The following PCYT1B variants were observed in gnomAD, a reference collection of about 807,000 sequenced individuals.
PCYT1B encodes choline-phosphate cytidylyltransferase B.
In PCYT1B, 10 loss-of-function variants were observed where a neutral mutation model predicts 26.4. That is an observed-to-expected ratio of 0.38 (90% CI 0.23 to 0.64). The LOEUF is 0.64. PCYT1B is among the 30% of genes least tolerant of loss of function. The pLI is 0.56. For missense variants in PCYT1B, 161 were observed against 292.7 expected (o/e 0.55, Z 3.28); for synonymous variants, 131 against 108.4 (o/e 1.21, Z -1.29).
intron 5 of PCYT1B, among the ~76,000 whole-genome samples, chrX:24,584,948 A>G (rs1346277887): frequency 8.9e-6 from 1 of 112,207 alleles, no homozygotes; most frequent in African/African-American, 3.2e-5. Context: ...TATAAATCCC[A>G]GAAGTGTCTT....
chrX:24,639,255 T>C (rs1926391891), intron 1 of PCYT1B, among the ~76,000 whole-genome samples: 1 of 112,469 alleles, frequency 8.9e-6, no homozygotes, highest in Non-Finnish European at 1.9e-5. Context: ...CAATCCATTG[T>C]CGGGGACAGA....
rs773050961 is a variant in PCYT1B at position 24,560,056 on chromosome X, G to A, written c.*2237C>T. 1.8e-5 allele frequency: 2 copies of A among 111,958 alleles called. No homozygotes were observed. The highest frequency in any genetic ancestry group is 3.8e-5 in the Non-Finnish European group (2 of 53,195). The allele number at this position is 111,958 out of a possible 1,213,427, so 9.2% of individuals were successfully genotyped here. A position where few individuals can be genotyped will look rare whatever the true frequency, so the allele number is the denominator to read the frequency against. On this transcript the variant is annotated 3_prime_UTR_variant, in exon 8 of 8. Coordinates refer to ENST00000379144, the MANE Select transcript of PCYT1B (RefSeq NM_004845.5). Reference sequence around the variant, plus strand: ...CGTAAGTGGCACCTGTCAGTATGGCGTGTAAGGCCTGCAAATGTATAGTCA... The same window carrying A: ...CGTAAGTGGCACCTGTCAGTATGGCATGTAAGGCCTGCAAATGTATAGTCA...
chrX:24,588,656 G>A (rs1037584622), intron 4 of PCYT1B, among the ~76,000 whole-genome samples: 3 of 111,477 alleles, frequency 2.7e-5, no homozygotes, highest in Non-Finnish European at 3.8e-5. Flanking sequence ...CAGTACTAGT[G>A]ACATTCGGGA....
intron 1 of PCYT1B, among the ~76,000 whole-genome samples, chrX:24,666,963 C>T (rs1368599565): frequency 9.1e-6 from 1 of 109,593 alleles, no homozygotes; most frequent in Non-Finnish European, 1.9e-5. Context: ...TAGCCTCTCA[C>T]TCCACATCTG....
intron 1 of PCYT1B, among the ~76,000 whole-genome samples, chrX:24,637,487 A>ATATATATATATATATAT (rs1218518627): frequency 1.2e-4 from 7 of 56,173 alleles, no homozygotes; most frequent in Admixed American, 4.8e-4. Flanking sequence ...ACTAAAAAAA[A>ATATATATATATATATAT]AAAAATATAT....
rs1923453702 is a variant in PCYT1B at position 24,562,365 on chromosome X, T to A, written c.1038A>T (p.Ser346=). 1.7e-6 allele frequency: 2 copies of A among 1,171,138 alleles called. No homozygotes were observed. The highest frequency in any genetic ancestry group is 6.0e-5 in the East Asian group (2 of 33,298). The change falls in exon 8 of 8, where the codon TCA becomes TCT. Residue 346 remains serine (S), a synonymous_variant. Coordinates refer to ENST00000379144, the MANE Select transcript of PCYT1B (RefSeq NM_004845.5). ...AGGCTGCTTTGGGTGAGGAAGGGGG[T>A]GAGGTTTTGAGTGGAAGCCATGAGA... ...PTFSWLPLKT[S]PPSSPKAASA...
chrX:24,670,219 G>T (rs768587813), intron 1 of PCYT1B, among the ~76,000 whole-genome samples: 13 of 110,526 alleles, frequency 1.2e-4, no homozygotes, highest in African/African-American at 9.8e-5. Flanking sequence ...GTAATGTCTG[G>T]GCATTCTCTT....
chrX:24,585,873 C>T (rs1442443947), intron 5 of PCYT1B, among the ~76,000 whole-genome samples: 1 of 110,639 alleles, frequency 9.0e-6, no homozygotes, highest in Non-Finnish European at 1.9e-5. Flanking sequence ...CCTTCCCACA[C>T]AAAAGACCTG....
chrX:24,643,599 C>T (rs980424765), intron 1 of PCYT1B, among the ~76,000 whole-genome samples: 3 of 111,924 alleles, frequency 2.7e-5, no homozygotes, highest in East Asian at 2.8e-4. Flanking sequence ...TCTATTTAAT[C>T]GTCTCCTTTC....
chrX:24,584,568 T>C (rs2030862675), intron 5 of PCYT1B, among the ~76,000 whole-genome samples: 2 of 112,087 alleles, frequency 1.8e-5, no homozygotes, highest in Admixed American at 1.9e-4. Flanking sequence ...CCTAAGAGGA[T>C]GGTACAGTCC....
chrX:24,570,041 G>A (rs777533889), intron 7 of PCYT1B, among the ~76,000 whole-genome samples: 38 of 107,919 alleles, frequency 3.5e-4, no homozygotes, highest in African/African-American at 1.2e-3. Flanking sequence ...AAAATTAGCT[G>A]GGCATGGTGG....
chrX:24,625,458 G>A (rs915469014), intron 1 of PCYT1B, among the ~76,000 whole-genome samples: 1 of 110,467 alleles, frequency 9.1e-6, no homozygotes, highest in African/African-American at 3.3e-5. Context: ...CTGTGTCACT[G>A]ATTATGTAGA....
chrX:24,616,431 GT>G (rs776289332), intron 2 of PCYT1B, among the ~76,000 whole-genome samples: 8 of 109,325 alleles, frequency 7.3e-5, no homozygotes, highest in Non-Finnish European at 1.3e-4. Flanking sequence ...TAGAGACAAG[GT>G]TTCACCATGT....
At chrX:24,624,458 A>C (rs1925825259) in intron 1 of PCYT1B, among the ~76,000 whole-genome samples, 1 of 112,154 alleles carries the variant, frequency 8.9e-6, no homozygotes, top group Non-Finnish European at 1.9e-5. Context: ...GGATTAACTA[A>C]AAGAATGTGT....
At chrX:24,630,286 T>C (rs1370728517) in intron 1 of PCYT1B, among the ~76,000 whole-genome samples, 3 of 111,551 alleles carry the variant, frequency 2.7e-5, no homozygotes, top group Non-Finnish European at 5.7e-5. Flanking sequence ...TTTTTTGATG[T>C]TTTTTGTTTG....
At chrX:24,571,499 C>T (rs866239323) in intron 7 of PCYT1B, among the ~76,000 whole-genome samples, 10 of 53,136 alleles carry the variant, frequency 1.9e-4, no homozygotes, top group African/African-American at 1.1e-3. Context: ...TTCTTATTTA[C>T]TATCATCATC....
chrX:24,624,163 G>A (rs932052881), intron 1 of PCYT1B, among the ~76,000 whole-genome samples: 3 of 109,369 alleles, frequency 2.7e-5, no homozygotes, highest in Non-Finnish European at 5.7e-5. Context: ...TAGAGACAGG[G>A]TTTCACTGTG....
intron 1 of PCYT1B, among the ~76,000 whole-genome samples, chrX:24,656,485 T>C (rs1264652352): frequency 1.1e-4 from 12 of 107,819 alleles, no homozygotes; most frequent in African/African-American, 4.1e-4. Flanking sequence ...AAAAGAAATA[T>C]ATATTTGCAA....
chrX:24,632,270 C>T, intron 1 of PCYT1B: 1 of 124,155 alleles, frequency 8.1e-6, no homozygotes. Flanking sequence ...CAAGTCTGTT[C>T]CTGCTCCAAA....
Sources: gnomAD v4.1 joint callset for allele counts (sites outside exome capture counted in the v4.1 genomes callset) on GRCh38, gnomAD v4.1.1 for gene constraint, MANE v1.5 for transcripts, NCBI Gene and HGNC (gene_info 2026-07-23, HGNC 2026-07-21) for gene names.